Variants in PRDM16 observed in about 807,000 individuals in gnomAD.
The protein encoded by PRDM16 is histone-lysine N-methyltransferase PRDM16.
A neutral mutation model predicts 110.6 loss-of-function variants in PRDM16; 23 were observed. That is an observed-to-expected ratio of 0.21 (90% confidence interval 0.15 to 0.29). PRDM16 has a LOEUF of 0.29. Among genes scored for constraint, PRDM16 ranks in the 10% least tolerant of loss-of-function variants. PRDM16 has a pLI of 1.00. For synonymous variants in PRDM16, 799 were observed against 781.8 expected (o/e 1.02, Z -0.37); for missense variants, 1,615 against 1,794.3 (o/e 0.90, Z 1.81).
chr1:3,411,619 C>T lies in PRDM16; in HGVS notation c.1422C>T (p.Pro474=). The part of the protein sequence containing the change: ...TPSPMMDKAK[P]SPSLNHASLG... ...GCCCCATGATGGACAAGGCAAAACC[C>T]TCCCCCAGCCTCAATCACGCCAGCC... The change falls in exon 9 of 17, where the codon CCC becomes CCT. Residue 474 remains proline (P), a synonymous_variant. Transcript: ENST00000270722. 3 of 1,613,988 alleles carry T rather than the reference C, an allele frequency of 1.9e-6. No homozygotes were observed. The highest frequency in any genetic ancestry group is 1.7e-6 in the Non-Finnish European group (2 of 1,179,968).
intron 3 of PRDM16, among the ~76,000 whole-genome samples, chr1:3,379,118 ACTCACCCCTCCCAACACACCCCTCCCAG>A (rs1643049202): frequency 2.2e-5 from 1 of 46,120 alleles, no homozygotes; most frequent in South Asian, 7.5e-4. Context: ...CACCCCCCCA[ACTCACCCCTCCCAACACACCCCTCCCAG>A]CACACCCCTC....
At chr1:3,270,587 A>AG (rs1640424007) in intron 3 of PRDM16, among the ~76,000 whole-genome samples, 1 of 140,498 alleles carries the variant, frequency 7.1e-6, no homozygotes, top group African/African-American at 2.8e-5. Context: ...AGGACAGTCG[A>AG]GAGGAGGACA....
intron 2 of PRDM16, among the ~76,000 whole-genome samples, chr1:3,214,089 C>T (rs1429323311): frequency 6.6e-6 from 1 of 152,184 alleles, no homozygotes; most frequent in African/African-American, 2.4e-5. Flanking sequence ...GCCCGGGAGG[C>T]TCTGCTTGGC....
chr1:3,152,693 G>A (rs900057936), intron 1 of PRDM16, among the ~76,000 whole-genome samples: 3 of 152,216 alleles, frequency 2.0e-5, no homozygotes, highest in Non-Finnish European at 4.4e-5. Context: ...GTTGCCGTCC[G>A]TCGTCCATCT....
intron 9 of PRDM16, among the ~76,000 whole-genome samples, chr1:3,413,455 C>T (rs184334034): frequency 6.6e-6 from 1 of 152,184 alleles, no homozygotes; most frequent in Admixed American, 6.5e-5. Flanking sequence ...AGTTTAATGC[C>T]ACTCCCTAAT....
At chr1:3,317,489 G>A (rs1456672027) in intron 3 of PRDM16, among the ~76,000 whole-genome samples, 1 of 152,236 alleles carries the variant, frequency 6.6e-6, no homozygotes, top group African/African-American at 2.4e-5. Context: ...GCCGTCGGAA[G>A]TCTCCAGGTC....
chr1:3,409,930 CAT>C (rs1355760629), intron 8 of PRDM16, among the ~76,000 whole-genome samples: 19 of 81,844 alleles, frequency 2.3e-4, no homozygotes, highest in African/African-American at 9.0e-4. Flanking sequence ...TGTGTATGTG[CAT>C]GTGTGTGGTG....
At chr1:3,094,466 T>C (rs1642349846) in intron 1 of PRDM16, among the ~76,000 whole-genome samples, 1 of 152,216 alleles carries the variant, frequency 6.6e-6, no homozygotes, top group Non-Finnish European at 1.5e-5. Flanking sequence ...AGCTGTTAGC[T>C]TGGCATCAGG....
chr1:3,134,434 G>T (rs926141214), intron 1 of PRDM16, among the ~76,000 whole-genome samples: 1 of 152,242 alleles, frequency 6.6e-6, no homozygotes, highest in South Asian at 2.1e-4. Context: ...TGCCCCCAAA[G>T]TTGGGGCCGA....
At chr1:3,432,387 G>A (rs1051068758) in intron 16 of PRDM16, among the ~76,000 whole-genome samples, 6 of 152,310 alleles carry the variant, frequency 3.9e-5, no homozygotes, top group South Asian at 2.1e-4. Flanking sequence ...TCATGGACAC[G>A]GGCAGCTCAC....
chr1:3,369,881 T>C (rs562250074), intron 3 of PRDM16, among the ~76,000 whole-genome samples: 1 of 152,352 alleles, frequency 6.6e-6, no homozygotes, highest in East Asian at 1.9e-4. Flanking sequence ...TTTATAGGGA[T>C]TGGCAAGGTA....
At chr1:3,284,328 G>T (rs565030656) in intron 3 of PRDM16, among the ~76,000 whole-genome samples, 1 of 152,246 alleles carries the variant, frequency 6.6e-6, no homozygotes, top group South Asian at 2.1e-4. Flanking sequence ...GTGGTTCCTG[G>T]AGTGTGTTTT....
At chr1:3,185,217 GCA>G (rs1644253854) in intron 1 of PRDM16, among the ~76,000 whole-genome samples, 1 of 152,126 alleles carries the variant, frequency 6.6e-6, no homozygotes, top group Non-Finnish European at 1.5e-5. Flanking sequence ...AGTTTCGGCT[GCA>G]CACACACACT....
chr1:3,128,310 A>G (rs1476735616), intron 1 of PRDM16, among the ~76,000 whole-genome samples: 1 of 152,184 alleles, frequency 6.6e-6, no homozygotes, highest in Non-Finnish European at 1.5e-5. Context: ...CTTGTCCTAG[A>G]AAGTCTGGGG....
chr1:3,400,262 C>T (rs1643445334), intron 5 of PRDM16, among the ~76,000 whole-genome samples: 1 of 152,368 alleles, frequency 6.6e-6, no homozygotes, highest in East Asian at 1.9e-4. Context: ...TCGCCCTTCC[C>T]TGGGTGCTTG....
rs375422885 is a variant in PRDM16, at chr1:3,186,164, G to A, written c.77G>A (p.Arg26Gln). ...GTAAATAATATGTATGAGCCCAACC[G>A]GGACCTGCTGGCCAGCCACAGCGCG... Reference protein sequence around the residue: ...DVVNNMYEPNRDLLASHSAED... With the variant: ...DVVNNMYEPNQDLLASHSAED... The change falls in exon 2 of 17, where the codon CGG (arginine) becomes CAG (glutamine). Residue 26 changes from arginine (R) to glutamine (Q), a missense_variant. Coordinates refer to ENST00000270722, the MANE Select transcript of PRDM16 (RefSeq NM_022114.4). 1.1e-5 allele frequency: 17 copies of A among 1,612,788 alleles called. No individual in the cohort carries two copies. The highest frequency in any genetic ancestry group is 6.7e-5 in the African/African-American group (5 of 75,036).
rs796068312 is a variant in PRDM16, at chr1:3,293,470, T to C, written c.438+49333T>C. ...TCTGTGAACCGGGACAAGGAGGTAATAGGAAGGCGCGATGGCCAGGGGCAA... is the reference window on the plus strand; with the variant it reads ...TCTGTGAACCGGGACAAGGAGGTAACAGGAAGGCGCGATGGCCAGGGGCAA... On this transcript the variant is annotated intron_variant, in intron 3 of 16. Coordinates refer to ENST00000270722, the MANE Select transcript of PRDM16 (RefSeq NM_022114.4). 1.1e-4 allele frequency among the ~76,000 whole-genome samples: 17 copies of C among 152,208 alleles called. No homozygotes were observed. The South Asian group carries it at 2.5e-3, about 22-fold the overall frequency.
rs547995286 is a variant in PRDM16 at position 3,388,697 on chromosome 1, C to A, written c.573+3411C>A. Among the ~76,000 whole-genome samples the A allele has an allele frequency of 1.3e-4, 20 of 152,352 alleles. No individual in the cohort carries two copies. In the South Asian group the frequency reaches 4.1e-3, roughly 32 times the overall value. On this transcript the variant is annotated intron_variant, in intron 4 of 16. Coordinates refer to ENST00000270722, the MANE Select transcript of PRDM16 (RefSeq NM_022114.4). ...GCTGGGGCTTTCCCCGAGTCTCCTG[C>A]TACTGGCAGCCAGGACTTAAGCAAA...
chr1:3,412,313 C>G lies in PRDM16; in HGVS notation c.2116C>G (p.Pro706Ala), dbSNP rs369820345. 1.2e-6 allele frequency: 2 copies of G among 1,613,712 alleles called. No individual in the cohort carries two copies. The highest frequency in any genetic ancestry group is 2.7e-5 in the African/African-American group (2 of 74,926). Residue 706 changes from proline to alanine, a missense_variant, in exon 9 of 17, where the codon CCC becomes GCC. Transcript: ENST00000270722. ...ATCCATTGCCGAGAAGTACTTTGGCCCCGGCTTCATGGGGATGCAGGAGAA... is the reference window on the plus strand; with the variant it reads ...ATCCATTGCCGAGAAGTACTTTGGCGCCGGCTTCATGGGGATGCAGGAGAA... ...IASIAEKYFG[P>A]GFMGMQEKKL...
Sources: allele counts gnomAD v4.1 joint callset (sites outside exome capture counted in the v4.1 genomes callset), GRCh38; gene constraint gnomAD v4.1.1; transcripts MANE v1.5; gene names NCBI Gene and HGNC (gene_info 2026-07-23, HGNC 2026-07-21).